GABBR2: variants seen among roughly 807,000 people sequenced by gnomAD.
The protein encoded by GABBR2 is gamma-aminobutyric acid type B receptor subunit 2, also known as G-protein coupled receptor 51.
Under a neutral mutation model 105.6 loss-of-function variants are expected in GABBR2, and 23 were observed. The ratio of observed to expected loss-of-function variants is 0.22; its 90% CI spans 0.16 to 0.31. The LOEUF (loss-of-function observed/expected upper bound fraction) is 0.31. GABBR2 is among the 10% of genes least tolerant of loss of function. GABBR2 has a pLI of 1.00. For synonymous variants in GABBR2, 478 were observed against 499.7 expected, an observed-to-expected ratio of 0.96 and a Z score of 0.58; for missense variants, 734 against 1,245.5, an observed-to-expected ratio of 0.59 and a Z score of 6.18.
chr9:98,380,855 C>T (rs1831962194), intron 11 of GABBR2, among the ~76,000 whole-genome samples: 1 of 152,196 alleles, frequency 6.6e-6, no homozygotes, highest in Non-Finnish European at 1.5e-5. Flanking sequence ...AATCTTGTGA[C>T]TGTCATAGGT....
At chr9:98,460,891 T>C (rs373530253) in intron 6 of GABBR2, among the ~76,000 whole-genome samples, 1 of 151,974 alleles carries the variant, frequency 6.6e-6, no homozygotes, top group African/African-American at 2.4e-5. Flanking sequence ...AACAAAATCT[T>C]AAAATAACTA....
intron 3 of GABBR2, among the ~76,000 whole-genome samples, chr9:98,541,018 C>T (rs534174006): frequency 4.6e-5 from 7 of 152,274 alleles, no homozygotes; most frequent in African/African-American, 1.4e-4. Context: ...TTCTAGAAGT[C>T]TACTGCCAAG....
intron 7 of GABBR2, among the ~76,000 whole-genome samples, chr9:98,432,651 A>G (rs1425175267): frequency 3.3e-5 from 5 of 152,210 alleles, no homozygotes; most frequent in African/African-American, 1.2e-4. Context: ...GAGGAAATTT[A>G]GTACTTCAGG....
At chr9:98,708,328 T>C (rs1333094946) in intron 1 of GABBR2, 89 bp downstream of exon 1, 11 of 1,251,682 alleles carry the variant, frequency 8.8e-6, no homozygotes, top group Non-Finnish European at 1.1e-5. Context: ...CAATCGGGGA[T>C]CTGACCAAAG....
intron 1 of GABBR2, among the ~76,000 whole-genome samples, chr9:98,601,780 C>T (rs871744): frequency 0.059 from 8,989 of 152,112 alleles, 377 homozygotes; most frequent in Non-Finnish European, 0.091. Context: ...GTGAATGTTT[C>T]CTGGTTTGTT....
At chr9:98,607,299 G>A (rs1007224726) in intron 1 of GABBR2, 2 of 855,944 alleles carry the variant, frequency 2.3e-6, no homozygotes, top group East Asian at 2.4e-5. Context: ...GCCTGATAAC[G>A]GTGTAGCGTT....
At chr9:98,390,914 C>T (rs771867898) in intron 9 of GABBR2, among the ~76,000 whole-genome samples, 9 of 152,172 alleles carry the variant, frequency 5.9e-5, no homozygotes, top group Admixed American at 1.3e-4. Context: ...TTCTTCTGTT[C>T]CTGCAAAATG....
chr9:98,706,001 G>A (rs563956994), intron 1 of GABBR2, among the ~76,000 whole-genome samples: 5 of 152,126 alleles, frequency 3.3e-5, no homozygotes, highest in African/African-American at 1.2e-4. Context: ...ACTTGACCCT[G>A]GGAGGTGGAG....
chr9:98,475,116 T>C (rs1477787765), intron 5 of GABBR2, among the ~76,000 whole-genome samples: 1 of 152,184 alleles, frequency 6.6e-6, no homozygotes, highest in Non-Finnish European at 1.5e-5. Flanking sequence ...ACTCCTTCGA[T>C]GATACAGGAC....
chr9:98,367,844 G>A (rs1448946096), intron 12 of GABBR2, among the ~76,000 whole-genome samples: 9 of 152,136 alleles, frequency 5.9e-5, no homozygotes, highest in Admixed American at 5.9e-4. Context: ...TGAAAGGGTT[G>A]TGACAGGCGT....
chr9:98,380,478 C>T (rs76257224), intron 11 of GABBR2, among the ~76,000 whole-genome samples: 2 of 152,234 alleles, frequency 1.3e-5, no homozygotes, highest in Admixed American at 6.5e-5. Context: ...GGGCTGGGAT[C>T]CCAGAGCCGG....
chr9:98,533,633 C>T (rs962105066), intron 3 of GABBR2, among the ~76,000 whole-genome samples: 16 of 152,262 alleles, frequency 1.1e-4, no homozygotes, highest in East Asian at 1.9e-4. Flanking sequence ...TCATCTCATC[C>T]CCCATCCAGT....
intron 1 of GABBR2, among the ~76,000 whole-genome samples, chr9:98,585,123 G>C (rs941062976): frequency 6.6e-6 from 1 of 152,084 alleles, no homozygotes. Context: ...TTTTGGGCAT[G>C]TAGCACCTAG....
chr9:98,411,676 C>T (rs1832593796), intron 7 of GABBR2, among the ~76,000 whole-genome samples: 1 of 152,146 alleles, frequency 6.6e-6, no homozygotes, highest in Non-Finnish European at 1.5e-5. Flanking sequence ...ATCCTTCCAC[C>T]TCAGCCTCCC....
At chr9:98,381,648 C>A (rs1831978161) in intron 11 of GABBR2, among the ~76,000 whole-genome samples, 1 of 152,216 alleles carries the variant, frequency 6.6e-6, no homozygotes, top group Admixed American at 6.5e-5. Context: ...CTTTTCCCCA[C>A]AGTCATGCAT....
intron 13 of GABBR2, among the ~76,000 whole-genome samples, chr9:98,345,066 C>G (rs1279472196): frequency 6.6e-6 from 1 of 152,186 alleles, no homozygotes. Flanking sequence ...CTCCCTGCCC[C>G]CATATCACTA....
At chr9:98,653,372 G>A (rs776987154) in intron 1 of GABBR2, among the ~76,000 whole-genome samples, 19 of 152,188 alleles carry the variant, frequency 1.2e-4, no homozygotes, top group Non-Finnish European at 1.0e-4. Context: ...TCTCTAAGCA[G>A]TTAGTCTTCT....
At chr9:98,434,599 G>A (rs186098691) in intron 7 of GABBR2, among the ~76,000 whole-genome samples, 3 of 152,322 alleles carry the variant, frequency 2.0e-5, no homozygotes, top group African/African-American at 7.2e-5. Context: ...TCGGCTCTCA[G>A]CAGCTGATAT....
chr9:98,639,199 C>T (rs1056938889), intron 1 of GABBR2, among the ~76,000 whole-genome samples: 1 of 152,208 alleles, frequency 6.6e-6, no homozygotes, highest in African/African-American at 2.4e-5. Flanking sequence ...GTCACTCCAT[C>T]CAGAGCACAT....
Sources: allele counts gnomAD v4.1 joint callset (sites outside exome capture counted in the v4.1 genomes callset), GRCh38; gene constraint gnomAD v4.1.1; transcripts MANE v1.5; gene names NCBI Gene and HGNC (gene_info 2026-07-23, HGNC 2026-07-21).